ATP9B: variants seen among roughly 807,000 people sequenced by gnomAD.
ATP9B encodes ATPase phospholipid transporting 9B, also known as probable phospholipid-transporting ATPase IIB.
Under a neutral mutation model 146.1 loss-of-function variants are expected in ATP9B, and 110 were observed. That is an observed-to-expected ratio of 0.75 (90% CI 0.65 to 0.88). ATP9B has a LOEUF of 0.88. Among genes scored for constraint, ATP9B ranks in the 40% least tolerant of loss-of-function variants. The pLI, the probability that ATP9B is intolerant of heterozygous loss-of-function variation, is 0.00. For missense variants in ATP9B, 1,499 were observed against 1,496.4 expected (o/e 1.00, Z -0.03); for synonymous variants, 604 against 569.7 (o/e 1.06, Z -0.86).
At chr18:79,354,802 C>A (rs1014490708) in intron 25 of ATP9B, among the ~76,000 whole-genome samples, 1 of 152,166 alleles carries the variant, frequency 6.6e-6, no homozygotes, top group African/African-American at 2.4e-5. Context: ...AGCCTGGAAA[C>A]GCCCATGGGT....
At chr18:79,175,166 A>C (rs1236307192) in intron 7 of ATP9B, among the ~76,000 whole-genome samples, 1 of 147,334 alleles carries the variant, frequency 6.8e-6, no homozygotes, top group Non-Finnish European at 1.5e-5. Flanking sequence ...GTGCCACTGC[A>C]CTCCAGCCTG....
Position 79,377,323 on chromosome 18 carries a change from T to C in ATP9B, c.3384T>C (p.Tyr1128=), listed in dbSNP as rs2097108276. 1 of 1,612,242 alleles carries C rather than the reference T, an allele frequency of 6.2e-7. No individual in the cohort carries two copies. Among genetic ancestry groups the C allele is most frequent in the Non-Finnish European group, 8.5e-7 (1 of 1,180,034 alleles). ...AITVVSCLPL[Y]VLKYLRRKLS... The stretch of plus-strand genomic sequence containing the variant: ...CCGTGGTCAGCTGCCTCCCGCTGTA[T>C]GTCCTCAAGTACCTGAGGCGCAAGC... Residue 1128 remains tyrosine (Y), a synonymous_variant, in exon 30 of 30, where the codon TAT becomes TAC. Transcript: ENST00000426216.
chr18:79,256,286 T>TATATATATACACACACACAC (rs398033647), intron 12 of ATP9B, among the ~76,000 whole-genome samples: 4 of 123,074 alleles, frequency 3.3e-5, no homozygotes, highest in Non-Finnish European at 6.8e-5. Context: ...TATATATATA[T>TATATATATACACACACACAC]ACATACATAG....
rs914684659 is a variant in ATP9B at position 79,373,918 on chromosome 18, G to T, written c.3091G>T (p.Ala1031Ser). The T allele has an allele frequency of 5.6e-6, 9 of 1,613,030 alleles. No individual in the cohort carries two copies. Among genetic ancestry groups the T allele is most frequent in the Non-Finnish European group, 7.6e-6 (9 of 1,180,018 alleles). The change falls in exon 28 of 30, where the codon GCC becomes TCC. Residue 1031 changes from alanine to serine, a missense_variant. Physicochemically the swap from Ala to Ser is moderately conservative, Grantham distance 99. Transcript: ENST00000426216. ...IYQGGILMYG[A>S]LVLFESEFVH... Reference sequence around the variant, plus strand: ...TTCAGGCGGCATCCTCATGTATGGGGCCCTGGTGCTCTTCGAGTCTGAGTT... The same window carrying T: ...TTCAGGCGGCATCCTCATGTATGGGTCCCTGGTGCTCTTCGAGTCTGAGTT...
At chr18:79,203,797 G>A (rs1441212973) in intron 9 of ATP9B, among the ~76,000 whole-genome samples, 1 of 152,188 alleles carries the variant, frequency 6.6e-6, no homozygotes, top group Non-Finnish European at 1.5e-5. Context: ...AGCAGGTAAA[G>A]GATATACCGT....
Position 79,336,725 on chromosome 18 carries a change from C to T in ATP9B, c.2112+14C>T. ...CAGGACTTTGAGGTGAGCCGACTCC[C>T]AGCCATCCCATCCTCCTACGACGTT... On this transcript the variant is annotated intron_variant, in intron 18 of 29. Transcript: ENST00000426216. The T allele has an allele frequency of 1.2e-6, 2 of 1,612,942 alleles. No homozygotes were observed. Among genetic ancestry groups the T allele is most frequent in the South Asian group, 2.2e-5 (2 of 90,978 alleles).
rs1195354287 is a variant in ATP9B, at chr18:79,126,900, C to T, written c.667+525C>T. Reference sequence around the variant, plus strand: ...TCTTGCTTAACTTACATCCTTCAAGCGCTTGTTTATTTGATTTTTCAGTCC... The same window carrying T: ...TCTTGCTTAACTTACATCCTTCAAGTGCTTGTTTATTTGATTTTTCAGTCC... On this transcript the variant is annotated intron_variant, in intron 5 of 29. Coordinates refer to ENST00000426216, the MANE Select transcript of ATP9B (RefSeq NM_198531.5). Among the ~76,000 whole-genome samples, 6 of 151,190 alleles carry T rather than the reference C, an allele frequency of 4.0e-5. No individual in the cohort carries two copies. In the East Asian group the frequency reaches 5.8e-4, roughly 15 times the overall value.
Position 79,246,881 on chromosome 18 carries a change from A to T in ATP9B, c.1108-6500A>T, listed in dbSNP as rs553834194. 8.5e-5 allele frequency among the ~76,000 whole-genome samples: 13 copies of T among 152,362 alleles called. No individual in the cohort carries two copies. The East Asian group carries it at 2.5e-3, about 29-fold the overall frequency. On this transcript the variant is annotated intron_variant, in intron 11 of 29. Transcript: ENST00000426216. ...TCCTCCTCCTCCTGATTTTCAGTTA[A>T]ACAATGTGGTGATTGTAAAATAAGA...
At position 79,332,243 on chromosome 18, in the gene ATP9B, C is replaced by A. The variant is rs994920780; in HGVS notation, c.2028+2139C>A. ...AGGAGATTGAGACCCTCCTGGCTAA[C>A]ACGGTGAAACCCCATCTCTACTAAA... On this transcript the variant is annotated intron_variant, in intron 17 of 29. Transcript: ENST00000426216. 4.6e-5 allele frequency among the ~76,000 whole-genome samples: 7 copies of A among 152,118 alleles called. No individual in the cohort carries two copies. In the East Asian group the frequency reaches 9.6e-4, roughly 21 times the overall value.
At position 79,336,628 on chromosome 18, in the gene ATP9B, T is replaced by G. The variant is rs141654931; in HGVS notation, c.2029T>G (p.Cys677Gly). ...TGTGACTCGGCCTCTCCTTTTCCAG[T>G]GCGGAAACATGGCTCGCGAAGGACT... ...VQYNDWLEEE[C>G]GNMAREGLRT... Residue 677 changes from cysteine (C) to glycine (G), a missense_variant and splice_region_variant, in exon 18 of 30, where the codon TGC becomes GGC. Physicochemically the swap from Cys to Gly is radical, Grantham distance 159 (BLOSUM62 -3). Transcript: ENST00000426216. The G allele has an allele frequency of 5.0e-6, 8 of 1,613,848 alleles. No individual in the cohort carries two copies. Among genetic ancestry groups the G allele is most frequent in the Non-Finnish European group, 6.8e-6 (8 of 1,179,946 alleles).
At chr18:79,128,940 C>T (rs2094333193) in intron 5 of ATP9B, among the ~76,000 whole-genome samples, 1 of 152,186 alleles carries the variant, frequency 6.6e-6, no homozygotes, top group Non-Finnish European at 1.5e-5. Context: ...CTGATCTCAG[C>T]ACCTTCTCCC....
intron 26 of ATP9B, among the ~76,000 whole-genome samples, chr18:79,370,211 G>A (rs1450258019): frequency 1.3e-5 from 2 of 152,170 alleles, no homozygotes; most frequent in East Asian, 3.8e-4. Context: ...TATAACAGTA[G>A]CATTCAGTGA....
intron 17 of ATP9B, among the ~76,000 whole-genome samples, chr18:79,335,668 G>A (rs937110807): frequency 5.3e-5 from 8 of 152,106 alleles, no homozygotes; most frequent in African/African-American, 1.2e-4. Flanking sequence ...CTCTCACCGC[G>A]GCCCTGCACT....
intron 8 of ATP9B, among the ~76,000 whole-genome samples, chr18:79,187,060 A>T (rs930640770): frequency 3.3e-5 from 5 of 152,184 alleles, no homozygotes; most frequent in African/African-American, 9.6e-5. Context: ...CGTGTCTCAG[A>T]TGTGATCCTT....
At chr18:79,197,134 G>GCAATATTGTCTGTATGCA in intron 9 of ATP9B, among the ~76,000 whole-genome samples, 1 of 152,186 alleles carries the variant, frequency 6.6e-6, no homozygotes. Context: ...AATATTCTCT[G>GCAATATTGTCTGTATGCA]ATCACAATGC....
intron 1 of ATP9B, chr18:79,085,617 TG>T (rs1694346914): frequency 6.6e-6 from 1 of 152,256 alleles, no homozygotes; most frequent in South Asian, 2.1e-4. Flanking sequence ...TTCCCTTTTT[TG>T]TGTTTTAAGT....
chr18:79,162,928 A>G (rs953347073), intron 7 of ATP9B, among the ~76,000 whole-genome samples: 17 of 152,176 alleles, frequency 1.1e-4, no homozygotes, highest in Non-Finnish European at 1.6e-4. Context: ...GCACCCTCCT[A>G]TGTGACACAT....
At chr18:79,180,185 A>G (rs1351062290) in intron 8 of ATP9B, among the ~76,000 whole-genome samples, 2 of 152,108 alleles carry the variant, frequency 1.3e-5, no homozygotes, top group African/African-American at 4.8e-5. Flanking sequence ...AAAAGTAGGT[A>G]CTGCTTTTTT....
chr18:79,367,800 C>T (rs1256521815), intron 26 of ATP9B, among the ~76,000 whole-genome samples: 2 of 152,248 alleles, frequency 1.3e-5, no homozygotes, highest in African/African-American at 2.4e-5. Flanking sequence ...GTAGTGTCAT[C>T]AGTAGAAGAC....
Sources: gnomAD v4.1 joint callset for allele counts (sites outside exome capture counted in the v4.1 genomes callset) on GRCh38, gnomAD v4.1.1 for gene constraint, MANE v1.5 for transcripts, NCBI Gene and HGNC (gene_info 2026-07-23, HGNC 2026-07-21) for gene names.